Variants in YAF2 observed in about 807,000 individuals in gnomAD.
YAF2 encodes YY1-associated factor 2.
Under a neutral mutation model 20.1 loss-of-function variants are expected in YAF2, and 7 were observed. That is an observed-to-expected ratio of 0.35 (90% CI 0.20 to 0.65). YAF2 has a LOEUF of 0.65. YAF2 is among the 30% of genes least tolerant of loss of function. The pLI is 0.69. For missense variants in YAF2, 151 were observed against 219.2 expected, an observed-to-expected ratio of 0.69 and a Z score of 1.96; for synonymous variants, 74 against 76.0, an observed-to-expected ratio of 0.97 and a Z score of 0.14.
At chr12:42,212,098 C>T (rs936669380) in intron 2 of YAF2, among the ~76,000 whole-genome samples, 1 of 151,620 alleles carries the variant, frequency 6.6e-6, no homozygotes, top group African/African-American at 2.4e-5. Context: ...CAAAAGTATG[C>T]CAGTCATTGA....
intron 2 of YAF2, among the ~76,000 whole-genome samples, chr12:42,186,176 C>A (rs1485914801): frequency 9.0e-6 from 1 of 110,940 alleles, no homozygotes; most frequent in Non-Finnish European, 1.7e-5. Flanking sequence ...GGCACCAGAG[C>A]CAAACTCTGT....
chr12:42,191,410 T>C (rs1046580125), intron 2 of YAF2, among the ~76,000 whole-genome samples: 2 of 152,198 alleles, frequency 1.3e-5, no homozygotes, highest in African/African-American at 4.8e-5. Flanking sequence ...TATCTTGTTT[T>C]GACCATCCAT....
At chr12:42,179,280 G>A (rs1436283005) in intron 2 of YAF2, among the ~76,000 whole-genome samples, 1 of 152,166 alleles carries the variant, frequency 6.6e-6, no homozygotes, top group Non-Finnish European at 1.5e-5. Context: ...GATCAGCCTG[G>A]CCAACGTGGT....
intron 2 of YAF2, among the ~76,000 whole-genome samples, chr12:42,194,610 CAATA>C (rs1249980667): frequency 1.3e-5 from 2 of 152,038 alleles, no homozygotes; most frequent in Non-Finnish European, 1.5e-5. Flanking sequence ...TGCCACTGCA[CAATA>C]AATAAATAAA....
At chr12:42,205,215 C>G (rs1380074627) in intron 2 of YAF2, among the ~76,000 whole-genome samples, 1 of 151,528 alleles carries the variant, frequency 6.6e-6, no homozygotes, top group African/African-American at 2.4e-5. Context: ...AAATTATTAG[C>G]GATTTCTTAT....
chr12:42,213,453 C>A (rs2067268167), intron 2 of YAF2, among the ~76,000 whole-genome samples: 1 of 152,184 alleles, frequency 6.6e-6, no homozygotes, highest in Non-Finnish European at 1.5e-5. Context: ...CTTTTCAAGT[C>A]AATTCTTAAT....
intron 2 of YAF2, chr12:42,212,345 C>A: frequency 1.1e-5 from 3 of 268,224 alleles, no homozygotes; most frequent in Admixed American, 5.3e-5. Flanking sequence ...TTTTAATGTG[C>A]CACAGCAGTG....
intron 2 of YAF2, chr12:42,205,991 T>C (rs2067029620): frequency 3.8e-6 from 1 of 260,800 alleles, no homozygotes; most frequent in Non-Finnish European, 7.8e-6. Context: ...TATGCTCTCT[T>C]CTAAAACTCC....
intron 2 of YAF2, among the ~76,000 whole-genome samples, chr12:42,171,520 G>T (rs1411238411): frequency 6.7e-6 from 1 of 150,210 alleles, no homozygotes; most frequent in Non-Finnish European, 1.5e-5. Flanking sequence ...AAAAAAAAAA[G>T]AAAGAAAGAA....
intron 2 of YAF2, among the ~76,000 whole-genome samples, chr12:42,216,276 T>C (rs2067355585): frequency 6.6e-6 from 1 of 152,180 alleles, no homozygotes; most frequent in Admixed American, 6.5e-5. Flanking sequence ...CGCAAAAGTA[T>C]TATCTTGTTA....
intron 2 of YAF2, among the ~76,000 whole-genome samples, chr12:42,200,286 A>G (rs912729067): frequency 1.3e-5 from 2 of 152,212 alleles, no homozygotes; most frequent in African/African-American, 4.8e-5. Flanking sequence ...GGATAGAGAA[A>G]CAAGGAAGAA....
At chr12:42,228,020 T>TGGGG (rs1225433561) in intron 2 of YAF2, among the ~76,000 whole-genome samples, 1 of 81,654 alleles carries the variant, frequency 1.2e-5, no homozygotes, top group African/African-American at 4.9e-5. Flanking sequence ...AGGAGGGAGG[T>TGGGG]GGGGGGTCAG....
chr12:42,208,103 A>G (rs996713004), intron 2 of YAF2, among the ~76,000 whole-genome samples: 1 of 152,122 alleles, frequency 6.6e-6, no homozygotes, highest in African/African-American at 2.4e-5. Context: ...TAAAATAATA[A>G]ATTTTTTAAA....
In YAF2 at chr12:42,228,007, T is replaced by C. The variant is rs562748901; in HGVS notation, c.152+9592A>G. 6.1e-3 allele frequency among the ~76,000 whole-genome samples: 747 copies of C among 122,828 alleles called. 23 individuals are homozygous for C. Among genetic ancestry groups the C allele is most frequent in the African/African-American group, 0.022 (699 of 31,446 alleles). The allele number at this position is 122,828 out of a possible 152,430, so 80.6% of individuals were successfully genotyped here. A position where few individuals can be genotyped will look rare whatever the true frequency, so the allele number is the denominator to read the frequency against. ...GCCCCCCGCCTGGCCAGCCGCCCCG[T>C]CCAGGAGGGAGGTGGGGGGTCAGCC... On this transcript the variant is annotated intron_variant, in intron 2 of 3. Transcript: ENST00000534854.
chr12:42,188,622 T>C (rs1472966823), intron 2 of YAF2, among the ~76,000 whole-genome samples: 1 of 152,024 alleles, frequency 6.6e-6, no homozygotes, highest in Non-Finnish European at 1.5e-5. Context: ...TGGCCACATG[T>C]AGATCCACCT....
intron 2 of YAF2, among the ~76,000 whole-genome samples, chr12:42,178,738 ATGAAGAAAATT>A (rs1234375139): frequency 6.6e-6 from 1 of 152,184 alleles, no homozygotes; most frequent in African/African-American, 2.4e-5. Context: ...TACATGCTAA[ATGAAGAAAATT>A]TGCTTATAAA....
At chr12:42,171,551 A>ATTACTTTTATTCTTAG (rs2066048947) in intron 2 of YAF2, among the ~76,000 whole-genome samples, 1 of 152,124 alleles carries the variant, frequency 6.6e-6, no homozygotes, top group African/African-American at 2.4e-5. Flanking sequence ...TACTTGTAGA[A>ATTACTTTTATTCTTAG]TTACTTTTAA....
intron 2 of YAF2, among the ~76,000 whole-genome samples, chr12:42,224,418 T>C (rs531176347): frequency 6.6e-6 from 1 of 152,198 alleles, no homozygotes; most frequent in African/African-American, 2.4e-5. Context: ...GGGATACATG[T>C]GCAGAACCTC....
chr12:42,175,601 G>T (rs1407589353), intron 2 of YAF2, among the ~76,000 whole-genome samples: 1 of 150,192 alleles, frequency 6.7e-6, no homozygotes, highest in African/African-American at 2.4e-5. Flanking sequence ...GGGAGGCCAG[G>T]CACGGTGGCT....
Sources: gnomAD v4.1 joint callset for allele counts (sites outside exome capture counted in the v4.1 genomes callset) on GRCh38, gnomAD v4.1.1 for gene constraint, MANE v1.5 for transcripts, NCBI Gene and HGNC (gene_info 2026-07-23, HGNC 2026-07-21) for gene names.